The following PITX3 variants were observed in gnomAD, a reference collection of about 807,000 sequenced individuals.
The protein encoded by PITX3 is paired like homeodomain 3.
In PITX3, 4 loss-of-function variants were observed where a neutral mutation model predicts 14.2. The ratio of observed to expected loss-of-function variants is 0.28; its 90% confidence interval spans 0.14 to 0.65. The LOEUF (loss-of-function observed/expected upper bound fraction) is 0.65, where lower values mean the gene tolerates loss of function less well. PITX3 is among the 30% of genes least tolerant of loss of function. The pLI is 0.82. For synonymous variants in PITX3, 194 were observed against 204.5 expected, an observed-to-expected ratio of 0.95 and a Z score of 0.44; for missense variants, 358 against 426.8, an observed-to-expected ratio of 0.84 and a Z score of 1.42.
chr10:102,240,894 G>A (rs1374452420), intron 1 of PITX3, among the ~76,000 whole-genome samples: 2 of 152,212 alleles, frequency 1.3e-5, no homozygotes, highest in African/African-American at 4.8e-5. Flanking sequence ...CCAGGAGTCT[G>A]AGCCTAGGCC....
At chr10:102,233,786 G>A (rs951693091) in intron 1 of PITX3, among the ~76,000 whole-genome samples, 2 of 152,172 alleles carry the variant, frequency 1.3e-5, no homozygotes, top group African/African-American at 4.8e-5. Context: ...CCAGGCCATA[G>A]GCAGGAGCTT....
chr10:102,240,791 C>T (rs762090268), intron 1 of PITX3, among the ~76,000 whole-genome samples: 33 of 152,252 alleles, frequency 2.2e-4, no homozygotes, highest in Non-Finnish European at 4.4e-4. Flanking sequence ...CTGACTCAGT[C>T]GCGGCCGGGC....
At position 102,231,805 on chromosome 10, in the gene PITX3, G is replaced by C. The variant is rs748945763; in HGVS notation, c.119-15C>G. 1 of 1,594,570 alleles carries C rather than the reference G, an allele frequency of 6.3e-7. No individual in the cohort carries two copies. Among genetic ancestry groups the C allele is most frequent in the Non-Finnish European group, 8.5e-7 (1 of 1,175,058 alleles). On this transcript the variant is annotated splice_polypyrimidine_tract_variant and intron_variant, in intron 2 of 3. Transcript: ENST00000370002. ...CTTTTCTGAGTCTGGGGGCCAGGGT[G>C]GGGGCAGGTCACAGAGCGCCCAAGC...
chr10:102,230,983 ACCT>A lies in PITX3; in HGVS notation c.437_439del (p.Glu146del), dbSNP rs761580664. On this transcript the variant is annotated inframe_deletion, in exon 4 of 4. Transcript: ENST00000370002. ...GTTGCCGTACGAGTAGCCGGGGTACACCTCCTCGTAGGGCGGCACCAGCCCCCC... is the reference window on the plus strand; with the variant it reads ...GTTGCCGTACGAGTAGCCGGGGTACACCTCGTAGGGCGGCACCAGCCCCCC... 3.1e-6 allele frequency: 5 copies of A among 1,603,314 alleles called. No individual in the cohort carries two copies. The highest frequency in any genetic ancestry group is 4.2e-6 in the Non-Finnish European group (5 of 1,176,864).
rs1429647398 is a variant in PITX3 at position 102,230,567 on chromosome 10, G to A, written c.856C>T (p.Pro286Ser). Residue 286 changes from proline to serine, a missense_variant, in exon 4 of 4, where the codon CCC (proline) becomes TCC (serine). By Grantham distance (74) the Pro-to-Ser change is moderately conservative. Coordinates refer to ENST00000370002, the MANE Select transcript of PITX3 (RefSeq NM_005029.4). ...SFSYPAVHGPPPAANLSPCQY... is the reference protein window; with the variant it reads ...SFSYPAVHGPSPAANLSPCQY... ...CACGGACTAAGGTTGGCTGCCGGGG[G>A]CGGCCCGTGCACAGCGGGGTAGCTG... 3 of 1,611,314 alleles carry A rather than the reference G, an allele frequency of 1.9e-6. No homozygotes were observed. The highest frequency in any genetic ancestry group is 1.7e-5 in the Admixed American group (1 of 59,736).
At chr10:102,239,900 T>A (rs576096601) in intron 1 of PITX3, among the ~76,000 whole-genome samples, 53 of 152,292 alleles carry the variant, frequency 3.5e-4, no homozygotes, top group Admixed American at 1.1e-3. Flanking sequence ...GGCCAAGATA[T>A]CCTTCCCAAC....
Position 102,230,976 on chromosome 10 carries a change from G to C in PITX3, c.447C>G (p.Pro149=), listed in dbSNP as rs149902448. The C allele has an allele frequency of 3.0e-5, 48 of 1,606,790 alleles. No individual in the cohort carries two copies. In the African/African-American group the frequency reaches 4.9e-4, roughly 17 times the overall value. Reference sequence around the variant, plus strand: ...GCGGCCAGTTGCCGTACGAGTAGCCGGGGTACACCTCCTCGTAGGGCGGCA... The same window carrying C: ...GCGGCCAGTTGCCGTACGAGTAGCCCGGGTACACCTCCTCGTAGGGCGGCA... ...GLVPPYEEVY[P]GYSYGNWPPK... The change falls in exon 4 of 4, where the codon CCC becomes CCG. Residue 149 remains proline, a synonymous_variant. Coordinates refer to ENST00000370002, the MANE Select transcript of PITX3 (RefSeq NM_005029.4).
rs1308353029 is a variant in PITX3 at position 102,231,994 on chromosome 10, T to C, written c.87A>G (p.Pro29=). The change falls in exon 2 of 4, where the codon CCA becomes CCG. Residue 29 remains proline, a synonymous_variant. Transcript: ENST00000370002. Reference sequence around the variant, plus strand: ...GCTCCTGGCCCTTGCAGCCGTGCTCTGGGAGCTGGGGGTGCGGAGTGCCAG... The same window carrying C: ...GCTCCTGGCCCTTGCAGCCGTGCTCCGGGAGCTGGGGGTGCGGAGTGCCAG... ...SDAGTPHPQL[P]EHGCKGQEHS... is the part of the protein sequence containing the mutation. The C allele has an allele frequency of 1.9e-6, 3 of 1,610,684 alleles. No homozygotes were observed. The highest frequency in any genetic ancestry group is 2.5e-6 in the Non-Finnish European group (3 of 1,179,638).
At chr10:102,231,365 G>C (rs1208328044) in intron 3 of PITX3, among the ~76,000 whole-genome samples, 1 of 152,186 alleles carries the variant, frequency 6.6e-6, no homozygotes, top group Non-Finnish European at 1.5e-5. Context: ...AAGGAGAGAC[G>C]GTGTCAGGGC....
intron 1 of PITX3, among the ~76,000 whole-genome samples, chr10:102,234,816 G>T (rs955543540): frequency 5.3e-5 from 8 of 152,250 alleles, no homozygotes; most frequent in African/African-American, 1.7e-4. Flanking sequence ...CTCCCGACTT[G>T]CAGTTTTCCA....
rs553973179 is a variant in PITX3, at chr10:102,231,141, G to A, written c.322-40C>T. 12 of 1,474,650 alleles carry A rather than the reference G, an allele frequency of 8.1e-6. No homozygotes were observed. In the Admixed American group the frequency reaches 1.9e-4, roughly 23 times the overall value. 91.3% of individuals were successfully genotyped at this position (1,474,650 alleles called of 1,614,324 possible). A position where few individuals can be genotyped will look rare whatever the true frequency, so the allele number is the denominator to read the frequency against. Reference sequence around the variant, plus strand: ...GAAAGGCGGTCAGGGCCCGGGGCCGGGTCCCAGCGGCTGAAGGGCGGGCCA... The same window carrying A: ...GAAAGGCGGTCAGGGCCCGGGGCCGAGTCCCAGCGGCTGAAGGGCGGGCCA... On this transcript the variant is annotated intron_variant, in intron 3 of 3. Coordinates refer to ENST00000370002, the MANE Select transcript of PITX3 (RefSeq NM_005029.4).
chr10:102,233,847 T>A (rs925456757), intron 1 of PITX3, among the ~76,000 whole-genome samples: 3 of 152,170 alleles, frequency 2.0e-5, no homozygotes, highest in African/African-American at 7.2e-5. Flanking sequence ...TAGCCTCACA[T>A]TGCCCAGGAG....
intron 1 of PITX3, among the ~76,000 whole-genome samples, chr10:102,239,227 A>G (rs1449501185): frequency 6.6e-6 from 1 of 152,228 alleles, no homozygotes; most frequent in Non-Finnish European, 1.5e-5. Context: ...GTGACCAGGC[A>G]TGCGTTCAGT....
At chr10:102,231,311 T>C (rs2070228669) in intron 3 of PITX3, among the ~76,000 whole-genome samples, 1 of 151,728 alleles carries the variant, frequency 6.6e-6, no homozygotes, top group Non-Finnish European at 1.5e-5. Flanking sequence ...GGCGCCAGGG[T>C]CTGGCGGGAC....
At chr10:102,237,255 C>T (rs986213597) in intron 1 of PITX3, among the ~76,000 whole-genome samples, 3 of 151,966 alleles carry the variant, frequency 2.0e-5, no homozygotes, top group African/African-American at 7.3e-5. Flanking sequence ...AGAGGGAAGC[C>T]CATGGAAGGT....
intron 2 of PITX3, 29 bp from the exon 3 acceptor site, chr10:102,231,819 G>A: frequency 1.3e-6 from 2 of 1,592,418 alleles, no homozygotes; most frequent in Non-Finnish European, 8.5e-7. Context: ...GCAGGTCACA[G>A]AGCGCCCAAG....
At chr10:102,239,146 C>A (rs945665394) in intron 1 of PITX3, among the ~76,000 whole-genome samples, 10 of 152,216 alleles carry the variant, frequency 6.6e-5, no homozygotes, top group African/African-American at 2.4e-4. Flanking sequence ...TCACCAGCAA[C>A]CCCTGGCTCC....
chr10:102,230,421 T>A lies in PITX3; in HGVS notation c.*93A>T. 8 of 1,512,008 alleles carry A rather than the reference T, an allele frequency of 5.3e-6. 1 individual carries two copies. The South Asian group carries it at 1.0e-4, about 19-fold the overall frequency. The allele number at this position is 1,512,008 out of a possible 1,614,324, so 93.7% of individuals were successfully genotyped here. On this transcript the variant is annotated 3_prime_UTR_variant, in exon 4 of 4. Coordinates refer to ENST00000370002, the MANE Select transcript of PITX3 (RefSeq NM_005029.4). ...CTGCCCAAACACCCCTTTCAGACCC[T>A]GGGGCGGGAGCAAGCCAGTCAAAAT... is the stretch of plus-strand genomic sequence containing the variant.
At chr10:102,235,166 T>TCCCCCAC (rs1175746998) in intron 1 of PITX3, among the ~76,000 whole-genome samples, 1 of 59,034 alleles carries the variant, frequency 1.7e-5, no homozygotes, top group Non-Finnish European at 3.2e-5. Context: ...TTATTACCCT[T>TCCCCCAC]CCCCCACCCC....
Sources: gnomAD v4.1 joint callset for allele counts (sites outside exome capture counted in the v4.1 genomes callset) on GRCh38, gnomAD v4.1.1 for gene constraint, MANE v1.5 for transcripts, NCBI Gene and HGNC (gene_info 2026-07-23, HGNC 2026-07-21) for gene names.